The following CCDC47 variants were observed in gnomAD, a reference collection of about 807,000 sequenced individuals.
CCDC47 encodes coiled-coil domain containing 47.
CCDC47 carries 41 observed loss-of-function variants against 60.5 expected under a neutral mutation model. The ratio of observed to expected loss-of-function variants is 0.68; its 90% CI spans 0.53 to 0.88. The LOEUF (loss-of-function observed/expected upper bound fraction) is 0.88. CCDC47 is among the 40% of genes least tolerant of loss of function. The pLI is 0.00. For synonymous variants in CCDC47, 195 were observed against 190.7 expected (o/e 1.02, Z -0.18); for missense variants, 513 against 580.9 (o/e 0.88, Z 1.20).
chr17:63,762,619 G>C (rs1346432031), intron 4 of CCDC47, among the ~76,000 whole-genome samples: 2 of 152,188 alleles, frequency 1.3e-5, no homozygotes, highest in African/African-American at 2.4e-5. Flanking sequence ...ATAGGTGAAT[G>C]TGAGGTTAGT....
intron 9 of CCDC47, chr17:63,753,555 G>T: frequency 1.3e-6 from 1 of 773,594 alleles, no homozygotes; most frequent in Non-Finnish European, 1.6e-6. Flanking sequence ...TTCAAACCGA[G>T]CATAAAGGTA....
intron 1 of CCDC47, among the ~76,000 whole-genome samples, chr17:63,766,469 G>A (rs1433276230): frequency 3.9e-5 from 6 of 152,120 alleles, no homozygotes; most frequent in Admixed American, 1.3e-4. Flanking sequence ...TGTCGCCCAG[G>A]TTGGAGCACA....
intron 4 of CCDC47, chr17:63,762,082 C>T: frequency 1.0e-6 from 1 of 984,660 alleles, no homozygotes; most frequent in Non-Finnish European, 1.2e-6. Flanking sequence ...ACCAAGCTTT[C>T]TTTTCCAATG....
At chr17:63,753,664 T>C in intron 9 of CCDC47, 4 of 980,420 alleles carry the variant, frequency 4.1e-6, no homozygotes, top group Non-Finnish European at 4.8e-6. Context: ...CTAGAAACCC[T>C]ATGGACATTG....
rs766933333 is a variant in CCDC47, at chr17:63,751,948, T to G, written c.1363A>C (p.Arg455=). ...TGATAAGTTTGTCTAACCTCCAGCC[T>G]GCGCTGTTTCTCAGGATCTTCCTCA... ...MNEEDPEKQR[R]LEEAALRREQ... is the part of the protein sequence containing the mutation. The change falls in exon 12 of 13, where the codon AGG becomes CGG. Residue 455 remains arginine (R), a synonymous_variant. Coordinates refer to ENST00000225726, the MANE Select transcript of CCDC47 (RefSeq NM_020198.3). 1.2e-6 allele frequency: 2 copies of G among 1,613,850 alleles called. No individual in the cohort carries two copies. The highest frequency in any genetic ancestry group is 1.7e-6 in the Non-Finnish European group (2 of 1,180,022).
chr17:63,764,881 C>G (rs781508828), intron 2 of CCDC47, 34 bp from the exon 3 acceptor site: 1 of 1,595,030 alleles, frequency 6.3e-7, no homozygotes, highest in South Asian at 1.1e-5. Context: ...TTTTCCTCTA[C>G]AAATGTCACC....
intron 9 of CCDC47, 128 bp from the exon 10 acceptor site, chr17:63,752,927 C>T: frequency 1.5e-6 from 2 of 1,373,726 alleles, no homozygotes; most frequent in East Asian, 2.9e-5. Flanking sequence ...CTTGGCATAC[C>T]CAAGTCAAAT....
chr17:63,756,165 G>T, intron 8 of CCDC47, 75 bp downstream of exon 8: 1 of 954,394 alleles, frequency 1.0e-6, no homozygotes. Context: ...TGATGAACTT[G>T]TACAATGAGA....
chr17:63,756,556 G>A lies in CCDC47; in HGVS notation c.750C>T (p.Thr250=), dbSNP rs762119511. Residue 250 remains threonine, a synonymous_variant, in exon 7 of 13, where the codon ACC becomes ACT. Coordinates refer to ENST00000225726, the MANE Select transcript of CCDC47 (RefSeq NM_020198.3). ...AGGTATCCATGTCTTCATCATTCAT[G>A]GTTACTTTTATTTGCTTTTAAAAAA... ...PVSDQVQIKV[T]MNDEDMDTYV... 2 of 1,612,658 alleles carry A rather than the reference G, an allele frequency of 1.2e-6. No individual in the cohort carries two copies. Among genetic ancestry groups the A allele is most frequent in the Non-Finnish European group, 1.7e-6 (2 of 1,178,840 alleles).
intron 4 of CCDC47, 65 bp from the exon 5 acceptor site, chr17:63,761,416 T>A (rs1264731084): frequency 6.3e-7 from 1 of 1,585,894 alleles, no homozygotes; most frequent in East Asian, 2.3e-5. Context: ...GGGTGGTGGC[T>A]CACGCCTATA....
intron 4 of CCDC47, among the ~76,000 whole-genome samples, chr17:63,763,738 C>T (rs559937067): frequency 2.6e-5 from 4 of 151,786 alleles, no homozygotes; most frequent in East Asian, 1.9e-4. Flanking sequence ...GCAGAAGAAT[C>T]GCTTGAACCC....
At chr17:63,756,186 G>C (rs971901240) in intron 8 of CCDC47, 54 bp downstream of exon 8, 20 of 1,145,028 alleles carry the variant, frequency 1.7e-5, no homozygotes, top group Non-Finnish European at 2.7e-5. Flanking sequence ...CTTTTAGGGA[G>C]AGTGTCCTGT....
intron 12 of CCDC47, among the ~76,000 whole-genome samples, chr17:63,750,459 T>C (rs1323755480): frequency 3.9e-5 from 6 of 152,202 alleles, no homozygotes; most frequent in Non-Finnish European, 7.4e-5. Context: ...ATGACACTGC[T>C]GTCAAATGCA....
At position 63,764,071 on chromosome 17, in the gene CCDC47, T is replaced by C. The variant is rs148304955; in HGVS notation, c.492A>G (p.Ala164=). ...CCCTATGAGTGTTAAACCAGGCCTGTGCAAGGCGACTGTTTTTATTCTTCC... is the reference window on the plus strand; with the variant it reads ...CCCTATGAGTGTTAAACCAGGCCTGCGCAAGGCGACTGTTTTTATTCTTCC... ...IIGKNKNSRL[A]QAWFNTHREL... is the part of the protein sequence containing the mutation. The change falls in exon 4 of 13, where the codon GCA becomes GCG. Residue 164 remains alanine, a synonymous_variant. Coordinates refer to ENST00000225726, the MANE Select transcript of CCDC47 (RefSeq NM_020198.3). The C allele has an allele frequency of 1.5e-4, 250 of 1,613,288 alleles. No individual in the cohort carries two copies. The highest frequency in any genetic ancestry group is 2.0e-4 in the Non-Finnish European group (235 of 1,179,884).
At chr17:63,751,365 CAAAAAAAAAAAAAAAAAAAAAA>C (rs59161342) in intron 12 of CCDC47, among the ~76,000 whole-genome samples, 7 of 29,496 alleles carry the variant, frequency 2.4e-4, no homozygotes, top group Non-Finnish European at 4.2e-4. Flanking sequence ...GACTCCATCT[CAAAAAAAAAAAAAAAAAAAAAA>C]AAAAAAAAAA....
chr17:63,757,172 G>T (rs1455501812), intron 6 of CCDC47, among the ~76,000 whole-genome samples: 1 of 146,460 alleles, frequency 6.8e-6, no homozygotes, highest in Non-Finnish European at 1.5e-5. Context: ...ACCAGCCTAG[G>T]CAACATAATG....
At chr17:63,764,644 G>A (rs143574915) in intron 3 of CCDC47, 96 bp downstream of exon 3, 1 of 1,028,412 alleles carries the variant, frequency 9.7e-7, no homozygotes, top group African/African-American at 1.6e-5. Context: ...TCCCACTATT[G>A]CATTAACACC....
At chr17:63,753,193 C>G (rs952242888) in intron 9 of CCDC47, 5 of 712,428 alleles carry the variant, frequency 7.0e-6, no homozygotes, top group Non-Finnish European at 8.6e-6. Context: ...AACAAGGCAT[C>G]TTATTATCTT....
intron 8 of CCDC47, 104 bp downstream of exon 8, chr17:63,756,136 C>T: frequency 4.0e-6 from 3 of 741,078 alleles, no homozygotes; most frequent in Non-Finnish European, 7.2e-6. Context: ...GAATGTAAAA[C>T]TAATACATTG....
Sources: gnomAD v4.1 joint callset for allele counts (sites outside exome capture counted in the v4.1 genomes callset) on GRCh38, gnomAD v4.1.1 for gene constraint, MANE v1.5 for transcripts, NCBI Gene and HGNC (gene_info 2026-07-23, HGNC 2026-07-21) for gene names.